The following VPS26A variants were observed in gnomAD, a reference collection of about 807,000 sequenced individuals.
VPS26A encodes the protein VPS26 retromer complex component A.
A neutral mutation model predicts 42.4 loss-of-function variants in VPS26A; 22 were observed. The observed-to-expected ratio is 0.52, with a 90% CI of 0.37 to 0.74. The LOEUF is 0.74. Among genes scored for constraint, VPS26A ranks in the 30% least tolerant of loss-of-function variants. The probability of loss-of-function intolerance (pLI) is 0.00; values close to 1 mark genes in which losing one functional copy is unlikely to be tolerated. For synonymous variants in VPS26A, 110 were observed against 123.5 expected, an observed-to-expected ratio of 0.89 and a Z score of 0.73; for missense variants, 276 against 379.2, an observed-to-expected ratio of 0.73 and a Z score of 2.26.
In VPS26A at chr10:69,173,949, A is replaced by G. The variant is rs12263234; in HGVS notation, c.*2680A>G. 0.22 allele frequency among the ~76,000 whole-genome samples: 33,736 copies of G among 151,984 alleles called. 4,027 individuals carry two copies. Among genetic ancestry groups the G allele is most frequent in the African/African-American group, 0.25 (10,215 of 41,426 alleles). Reference sequence around the variant, plus strand: ...GCAGAGGTTGCAGTGAGCCGAGATCACACCAATGCACTCCAGCCTGGCTAG... The same window carrying G: ...GCAGAGGTTGCAGTGAGCCGAGATCGCACCAATGCACTCCAGCCTGGCTAG... On this transcript the variant is annotated 3_prime_UTR_variant, in exon 9 of 9. Coordinates refer to ENST00000263559, the MANE Select transcript of VPS26A (RefSeq NM_004896.5).
Position 69,171,234 on chromosome 10 carries a change from G to A in VPS26A, c.949G>A (p.Glu317Lys). The change falls in exon 9 of 9, where the codon GAA (glutamate) becomes AAA (lysine). Residue 317 changes from glutamate (E) to lysine (K), a missense_variant. By Grantham distance (56) the Glu-to-Lys change is moderately conservative (BLOSUM62 1). Transcript: ENST00000263559. ...TNFHQRFESP[E>K]SQASAEQPEM is the part of the protein sequence containing the mutation. ...CTTTCACCAGCGATTTGAATCTCCAGAATCACAGGCATCTGCCGAACAGCC... is the reference window on the plus strand; with the variant it reads ...CTTTCACCAGCGATTTGAATCTCCAAAATCACAGGCATCTGCCGAACAGCC... 1 of 1,613,828 alleles carries A rather than the reference G, an allele frequency of 6.2e-7. No individual in the cohort carries two copies. The highest frequency in any genetic ancestry group is 2.2e-5 in the East Asian group (1 of 44,864).
chr10:69,161,691 G>A, intron 5 of VPS26A: 2 of 375,488 alleles, frequency 5.3e-6, no homozygotes, highest in Admixed American at 2.7e-5. Context: ...TCATCAACCG[G>A]GGTTCAGCAC....
intron 2 of VPS26A, among the ~76,000 whole-genome samples, chr10:69,136,899 C>G (rs1208752471): frequency 6.6e-6 from 1 of 152,052 alleles, no homozygotes; most frequent in Non-Finnish European, 1.5e-5. Context: ...TCAAGTGATT[C>G]TCCTGCCTCA....
intron 1 of VPS26A, among the ~76,000 whole-genome samples, chr10:69,130,920 T>C (rs1035827445): frequency 6.6e-6 from 1 of 152,244 alleles, no homozygotes; most frequent in Non-Finnish European, 1.5e-5. Flanking sequence ...CTAAATTGCA[T>C]ATATCCATTC....
intron 1 of VPS26A, among the ~76,000 whole-genome samples, chr10:69,124,644 T>C (rs954020157): frequency 1.1e-4 from 16 of 152,102 alleles, no homozygotes; most frequent in Non-Finnish European, 2.9e-5. Flanking sequence ...CCGGGCAGCC[T>C]CTCTTCCATC....
chr10:69,127,618 A>G (rs1433160949), intron 1 of VPS26A, among the ~76,000 whole-genome samples: 1 of 151,792 alleles, frequency 6.6e-6, no homozygotes, highest in Non-Finnish European at 1.5e-5. Context: ...GTTAAAGTGC[A>G]GTAATTTATT....
At chr10:69,139,554 G>T (rs1030693091) in intron 2 of VPS26A, among the ~76,000 whole-genome samples, 15 of 152,198 alleles carry the variant, frequency 9.9e-5, no homozygotes, top group Admixed American at 9.8e-4. Context: ...CGCCTGCCTT[G>T]GCCTCCCAAA....
chr10:69,161,357 C>T (rs1432804507), intron 5 of VPS26A, among the ~76,000 whole-genome samples: 1 of 152,156 alleles, frequency 6.6e-6, no homozygotes, highest in Non-Finnish European at 1.5e-5. Context: ...CCACTGAGCC[C>T]AGCCAGAACA....
At chr10:69,128,561 C>T (rs1038328565) in intron 1 of VPS26A, among the ~76,000 whole-genome samples, 9 of 151,988 alleles carry the variant, frequency 5.9e-5, no homozygotes, top group Non-Finnish European at 1.5e-5. Context: ...TTTCAAATCC[C>T]AAGTGGAACT....
intron 2 of VPS26A, among the ~76,000 whole-genome samples, chr10:69,135,992 G>A (rs1840899873): frequency 6.6e-6 from 1 of 151,986 alleles, no homozygotes; most frequent in African/African-American, 2.4e-5. Flanking sequence ...AGAAAAATTT[G>A]GTACGGTTTT....
At chr10:69,158,257 T>G (rs566139909) in intron 5 of VPS26A, 46 bp downstream of exon 5, 2 of 1,473,706 alleles carry the variant, frequency 1.4e-6, no homozygotes, top group African/African-American at 2.9e-5. Flanking sequence ...ATTCAAAAAT[T>G]AACTTTTCAG....
At chr10:69,156,755 A>G (rs1238970987) in intron 3 of VPS26A, among the ~76,000 whole-genome samples, 1 of 152,134 alleles carries the variant, frequency 6.6e-6, no homozygotes, top group Non-Finnish European at 1.5e-5. Flanking sequence ...ATATTGGGAG[A>G]GCCCCAACTA....
At chr10:69,161,880 T>C (rs1589363026) in intron 5 of VPS26A, 1 of 229,734 alleles carries the variant, frequency 4.4e-6, no homozygotes, top group East Asian at 1.0e-4. Context: ...CCCTTATACC[T>C]CCAGCAGCAA....
chr10:69,149,808 A>G (rs1841259042), intron 2 of VPS26A, among the ~76,000 whole-genome samples: 1 of 123,288 alleles, frequency 8.1e-6, no homozygotes, highest in Admixed American at 1.0e-4. Flanking sequence ...GTGCAGTGGC[A>G]TGATCTCAGC....
intron 2 of VPS26A, among the ~76,000 whole-genome samples, chr10:69,151,276 A>AAAAAAAAAAAAAAAAAAAAAAAAC (rs1554854511): frequency 1.4e-5 from 1 of 69,130 alleles, no homozygotes; most frequent in African/African-American, 4.0e-5. Flanking sequence ...AAAAAAAAAA[A>AAAAAAAAAAAAAAAAAAAAAAAAC]AAAAAAACAC....
At chr10:69,134,859 G>A (rs1462318900) in intron 2 of VPS26A, among the ~76,000 whole-genome samples, 2 of 152,142 alleles carry the variant, frequency 1.3e-5, no homozygotes, top group African/African-American at 2.4e-5. Context: ...TTAGGAGGCC[G>A]AGGAGGGAGG....
chr10:69,159,158 A>G (rs1317966229), intron 5 of VPS26A, among the ~76,000 whole-genome samples: 1 of 152,162 alleles, frequency 6.6e-6, no homozygotes, highest in African/African-American at 2.4e-5. Flanking sequence ...GCAGAGTTTG[A>G]TCACCTGAGG....
intron 6 of VPS26A, among the ~76,000 whole-genome samples, chr10:69,163,285 T>A (rs1259093106): frequency 1.3e-5 from 2 of 152,210 alleles, no homozygotes; most frequent in South Asian, 2.1e-4. Context: ...TGTTTATAAT[T>A]CTTCTGCCCT....
chr10:69,173,362 A>C lies in VPS26A; in HGVS notation c.*2093A>C, dbSNP rs1049985239. 3.3e-5 allele frequency among the ~76,000 whole-genome samples: 5 copies of C among 152,122 alleles called. No homozygotes were observed. The highest frequency in any genetic ancestry group is 7.4e-5 in the Non-Finnish European group (5 of 68,014). On this transcript the variant is annotated 3_prime_UTR_variant, in exon 9 of 9. Transcript: ENST00000263559. The stretch of plus-strand genomic sequence containing the variant: ...ATTAAAAACAAAACAACCTCAAAAA[A>C]ATACCTGTCATCTCAGCCACTTCAG...
Sources: gnomAD v4.1 joint callset for allele counts (sites outside exome capture counted in the v4.1 genomes callset) on GRCh38, gnomAD v4.1.1 for gene constraint, MANE v1.5 for transcripts, NCBI Gene and HGNC (gene_info 2026-07-23, HGNC 2026-07-21) for gene names.